TPX2: variants seen among roughly 807,000 people sequenced by gnomAD.
The protein encoded by TPX2 is targeting protein for Xklp2.
Under a neutral mutation model 93.6 loss-of-function variants are expected in TPX2, and 21 were observed. The ratio of observed to expected loss-of-function variants is 0.22; its 90% CI spans 0.16 to 0.32. The LOEUF is 0.32. Ranked by LOEUF, TPX2 falls within the 10% of genes least tolerant of loss-of-function variation. TPX2 has a pLI of 1.00. For missense variants in TPX2, 776 were observed against 871.1 expected (o/e 0.89, Z 1.37); for synonymous variants, 281 against 298.3 (o/e 0.94, Z 0.60).
chr20:31,751,828 C>A (rs1182993061), intron 2 of TPX2, among the ~76,000 whole-genome samples: 1 of 152,260 alleles, frequency 6.6e-6, no homozygotes, highest in East Asian at 1.9e-4. Flanking sequence ...CTGCAACCTT[C>A]GCCTCCTGGG....
intron 2 of TPX2, among the ~76,000 whole-genome samples, chr20:31,752,020 G>A (rs945655901): frequency 3.9e-5 from 6 of 152,208 alleles, no homozygotes; most frequent in African/African-American, 1.4e-4. Flanking sequence ...TGGGATTACA[G>A]GTGTGAGCTA....
At chr20:31,745,267 A>G (rs1026690752) in intron 2 of TPX2, among the ~76,000 whole-genome samples, 3 of 151,900 alleles carry the variant, frequency 2.0e-5, no homozygotes, top group Non-Finnish European at 4.4e-5. Flanking sequence ...AAAAAGCTTC[A>G]TGGTTTAAAA....
At chr20:31,784,546 T>C (rs1244409487) in intron 12 of TPX2, among the ~76,000 whole-genome samples, 3 of 152,182 alleles carry the variant, frequency 2.0e-5, no homozygotes, top group Non-Finnish European at 1.5e-5. Flanking sequence ...CATTACATGA[T>C]AGAATTTTGA....
intron 8 of TPX2, among the ~76,000 whole-genome samples, chr20:31,776,483 G>T (rs949225183): frequency 4.0e-5 from 6 of 151,296 alleles, no homozygotes; most frequent in Non-Finnish European, 5.9e-5. Flanking sequence ...ACATATATTG[G>T]TATTTTACAT....
intron 2 of TPX2, among the ~76,000 whole-genome samples, chr20:31,756,427 G>A (rs2061852470): frequency 6.6e-6 from 1 of 152,058 alleles, no homozygotes; most frequent in Non-Finnish European, 1.5e-5. Flanking sequence ...AAAATTAGTG[G>A]TGTATTTTAG....
intron 16 of TPX2, 58 bp from the exon 17 acceptor site, chr20:31,798,307 G>T: frequency 1.2e-6 from 2 of 1,605,926 alleles, no homozygotes; most frequent in Admixed American, 1.7e-5. Flanking sequence ...ATTCCAGGGG[G>T]CGTAGGTTTA....
intron 2 of TPX2, among the ~76,000 whole-genome samples, chr20:31,744,159 CTTTT>C (rs11465034): frequency 8.9e-6 from 1 of 112,260 alleles, no homozygotes. Context: ...ATTTTTTTAA[CTTTT>C]TTTTTTTTTT....
intron 2 of TPX2, among the ~76,000 whole-genome samples, chr20:31,751,809 C>G (rs1249383648): frequency 1.3e-5 from 2 of 152,194 alleles, no homozygotes; most frequent in African/African-American, 4.8e-5. Context: ...ATGGCGCAAT[C>G]TCAGCTCACT....
chr20:31,740,738 A>G (rs2061748733), intron 1 of TPX2, among the ~76,000 whole-genome samples: 1 of 152,202 alleles, frequency 6.6e-6, no homozygotes, highest in South Asian at 2.1e-4. Context: ...TGGACAATTT[A>G]GAGGTGAGGG....
chr20:31,741,867 G>A (rs7263175), intron 1 of TPX2, among the ~76,000 whole-genome samples: 42,880 of 151,730 alleles, frequency 0.28, 7,423 homozygotes, highest in African/African-American at 0.48. Flanking sequence ...CACCTGCCTC[G>A]GCCTCCCAAA....
At chr20:31,797,593 A>C in intron 16 of TPX2, 78 bp downstream of exon 16, 1 of 1,270,832 alleles carries the variant, frequency 7.9e-7, no homozygotes, top group Non-Finnish European at 1.1e-6. Flanking sequence ...TCAGTGTGTC[A>C]GTACAATGCT....
At chr20:31,758,818 C>G (rs897034579) in intron 3 of TPX2, among the ~76,000 whole-genome samples, 1 of 152,062 alleles carries the variant, frequency 6.6e-6, no homozygotes, top group Non-Finnish European at 1.5e-5. Context: ...GGGATCTTCC[C>G]CATGCCCTTG....
chr20:31,761,951 A>C (rs1023782095), intron 4 of TPX2, among the ~76,000 whole-genome samples: 1 of 152,272 alleles, frequency 6.6e-6, no homozygotes, highest in East Asian at 1.9e-4. Context: ...TGTCCATTCT[A>C]ACTGGGATGA....
rs749690835 is a variant in TPX2, at chr20:31,752,284, T to A, written c.-70-5123T>A. ...AGGGAAAGGGCAGGAATAAGGGCTATAGCTGTTTTCAGGAAAGAAAATTTT... is the reference window on the plus strand; with the variant it reads ...AGGGAAAGGGCAGGAATAAGGGCTAAAGCTGTTTTCAGGAAAGAAAATTTT... On this transcript the variant is annotated intron_variant, in intron 2 of 17. Transcript: ENST00000300403. Among the ~76,000 whole-genome samples the A allele has an allele frequency of 2.2e-4, 34 of 152,308 alleles. 1 individual carries two copies. The highest frequency in any genetic ancestry group is 1.4e-3 in the South Asian group (7 of 4,830).
intron 8 of TPX2, 117 bp from the exon 9 acceptor site, chr20:31,777,370 T>C (rs1247787471): frequency 3.9e-5 from 50 of 1,276,348 alleles, no homozygotes; most frequent in Non-Finnish European, 3.0e-5. Flanking sequence ...TACAGGTAGA[T>C]AGTAAGCAAA....
intron 1 of TPX2, 24 bp from the exon 2 acceptor site, chr20:31,742,517 T>C (rs1369222614): frequency 6.6e-6 from 1 of 152,188 alleles, no homozygotes; most frequent in Non-Finnish European, 1.5e-5. Flanking sequence ...GGAACCTGTT[T>C]CATCACTTTT....
chr20:31,760,831 A>G (rs2061885239), intron 4 of TPX2, among the ~76,000 whole-genome samples: 1 of 152,222 alleles, frequency 6.6e-6, no homozygotes, highest in African/African-American at 2.4e-5. Flanking sequence ...AAGATGATGG[A>G]TCGCTTCTCG....
chr20:31,758,008 G>A (rs939759826), intron 3 of TPX2, among the ~76,000 whole-genome samples: 1 of 151,824 alleles, frequency 6.6e-6, no homozygotes, highest in East Asian at 1.9e-4. Flanking sequence ...ACTTGTATGT[G>A]TATTAAGTTC....
At position 31,777,482 on chromosome 20, in the gene TPX2, C is replaced by G. The variant is rs764661020; in HGVS notation, c.731-5C>G. ...TCTGTATGTTTTACTGTGTTCATCT[C>G]TCAGGGCAACCTGTGAAGAAATCAG... is the stretch of plus-strand genomic sequence containing the variant. On this transcript the variant is annotated splice_region_variant and splice_polypyrimidine_tract_variant and intron_variant, in intron 8 of 17. Coordinates refer to ENST00000300403, the MANE Select transcript of TPX2 (RefSeq NM_012112.5). 3 of 1,613,306 alleles carry G rather than the reference C, an allele frequency of 1.9e-6. No homozygotes were observed. Among genetic ancestry groups the G allele is most frequent in the South Asian group, 2.2e-5 (2 of 90,922 alleles).
Sources: allele counts gnomAD v4.1 joint callset (sites outside exome capture counted in the v4.1 genomes callset), GRCh38; gene constraint gnomAD v4.1.1; transcripts MANE v1.5; gene names NCBI Gene and HGNC (gene_info 2026-07-23, HGNC 2026-07-21).